PSD3: variants seen among roughly 807,000 people sequenced by gnomAD.
PSD3 encodes the protein PH and SEC7 domain-containing protein 3.
Under a neutral mutation model 105.5 loss-of-function variants are expected in PSD3, and 49 were observed. The ratio of observed to expected loss-of-function variants is 0.46; its 90% CI spans 0.37 to 0.59. The LOEUF is 0.59. Ranked by LOEUF, PSD3 falls within the 20% of genes least tolerant of loss-of-function variation. The probability of loss-of-function intolerance (pLI) is 0.00; values close to 1 mark genes in which losing one functional copy is unlikely to be tolerated. For missense variants in PSD3, 1,561 were observed against 1,263.8 expected, an observed-to-expected ratio of 1.24 and a Z score of -3.57; for synonymous variants, 557 against 457.8, an observed-to-expected ratio of 1.22 and a Z score of -2.77.
chr8:19,065,420 G>A (rs1015046355), intron 1 of PSD3, among the ~76,000 whole-genome samples: 11 of 152,068 alleles, frequency 7.2e-5, no homozygotes, highest in African/African-American at 2.4e-4. Flanking sequence ...CACAGCTTGA[G>A]GGCTCAGTCT....
chr8:18,765,689 G>A (rs1182440983), intron 8 of PSD3, 151 bp from the exon 9 acceptor site: 9 of 669,536 alleles, frequency 1.3e-5, no homozygotes, highest in Non-Finnish European at 2.4e-5. Context: ...CACTTTGGGA[G>A]GCCGAGGTGG....
intron 8 of PSD3, among the ~76,000 whole-genome samples, chr8:18,793,139 C>T (rs1809880257): frequency 6.6e-6 from 1 of 151,996 alleles, no homozygotes; most frequent in Non-Finnish European, 1.5e-5. Flanking sequence ...AACACTTGGA[C>T]ACAGGGTGGG....
chr8:18,632,014 T>G (rs1325123563), intron 11 of PSD3, among the ~76,000 whole-genome samples: 1 of 151,982 alleles, frequency 6.6e-6, no homozygotes, highest in Admixed American at 6.6e-5. Flanking sequence ...ACACCATCAT[T>G]GATCAAGATA....
chr8:18,916,092 G>A (rs1251387041), intron 2 of PSD3, among the ~76,000 whole-genome samples: 2 of 151,232 alleles, frequency 1.3e-5, no homozygotes, highest in South Asian at 2.1e-4. Flanking sequence ...GCGAAACTCC[G>A]ACTCAAAAAA....
At chr8:18,821,450 T>C (rs372353113) in intron 4 of PSD3, among the ~76,000 whole-genome samples, 34 of 152,116 alleles carry the variant, frequency 2.2e-4, no homozygotes, top group East Asian at 1.4e-3. Context: ...CTATTCCTCA[T>C]GAAAAAAAAT....
At chr8:18,616,982 A>G (rs751440084) in intron 11 of PSD3, among the ~76,000 whole-genome samples, 1 of 152,068 alleles carries the variant, frequency 6.6e-6, no homozygotes, top group Non-Finnish European at 1.5e-5. Context: ...TGTAACTTCA[A>G]TTATAAGGTA....
At chr8:18,640,134 T>C (rs771206136) in intron 10 of PSD3, among the ~76,000 whole-genome samples, 2 of 152,156 alleles carry the variant, frequency 1.3e-5, no homozygotes, top group Non-Finnish European at 2.9e-5. Context: ...TAGTATTTCA[T>C]GATTGTAGAA....
At chr8:18,995,340 C>T (rs1056973265) in intron 1 of PSD3, among the ~76,000 whole-genome samples, 5 of 152,028 alleles carry the variant, frequency 3.3e-5, no homozygotes, top group East Asian at 1.9e-4. Context: ...AACTCCCAGA[C>T]GCCAGTAGCT....
At chr8:18,621,578 C>A (rs1036686561) in intron 11 of PSD3, among the ~76,000 whole-genome samples, 1 of 152,160 alleles carries the variant, frequency 6.6e-6, no homozygotes, top group African/African-American at 2.4e-5. Flanking sequence ...TATTTCCTAT[C>A]TAAAACAGCC....
intron 11 of PSD3, 103 bp from the exon 12 acceptor site, chr8:18,600,537 T>A: frequency 2.1e-6 from 2 of 945,064 alleles, no homozygotes; most frequent in Non-Finnish European, 3.2e-6. Context: ...TCTACCTAGC[T>A]ACCGAAAGTA....
At chr8:18,722,822 A>T (rs2129427600) in intron 9 of PSD3, among the ~76,000 whole-genome samples, 2 of 152,250 alleles carry the variant, frequency 1.3e-5, no homozygotes, top group East Asian at 3.9e-4. Context: ...TATCACTCCC[A>T]AGGAGCATTA....
At chr8:18,998,270 C>T (rs759404972) in intron 1 of PSD3, among the ~76,000 whole-genome samples, 7 of 151,990 alleles carry the variant, frequency 4.6e-5, no homozygotes, top group Non-Finnish European at 8.8e-5. Context: ...ATTAAATTAA[C>T]CACATACAAA....
chr8:18,774,307 G>A (rs958828077), intron 8 of PSD3, among the ~76,000 whole-genome samples: 17 of 152,038 alleles, frequency 1.1e-4, no homozygotes, highest in African/African-American at 3.4e-4. Context: ...TGTATATATC[G>A]TATAATGATC....
At chr8:18,689,728 T>C (rs1326694313) in intron 9 of PSD3, among the ~76,000 whole-genome samples, 1 of 152,166 alleles carries the variant, frequency 6.6e-6, no homozygotes, top group Admixed American at 6.5e-5. Context: ...CTTGCCAAGA[T>C]TTTCTGTCCA....
chr8:18,739,187 T>C (rs1198723827), intron 9 of PSD3, among the ~76,000 whole-genome samples: 1 of 152,110 alleles, frequency 6.6e-6, no homozygotes, highest in East Asian at 1.9e-4. Flanking sequence ...AAAATTAATT[T>C]AAATTGAAAA....
At chr8:18,567,107 C>G (rs1801825838) in intron 14 of PSD3, among the ~76,000 whole-genome samples, 1 of 152,168 alleles carries the variant, frequency 6.6e-6, no homozygotes, top group African/African-American at 2.4e-5. Context: ...GTTACATTCA[C>G]CTTCCATGAA....
At chr8:18,832,670 A>C (rs1213595555) in intron 4 of PSD3, among the ~76,000 whole-genome samples, 1 of 152,234 alleles carries the variant, frequency 6.6e-6, no homozygotes, top group East Asian at 1.9e-4. Context: ...TGGGCAATTT[A>C]TAAAGGAAAG....
At chr8:19,031,889 A>G (rs1827784736) in intron 1 of PSD3, among the ~76,000 whole-genome samples, 1 of 152,208 alleles carries the variant, frequency 6.6e-6, no homozygotes, top group African/African-American at 2.4e-5. Flanking sequence ...AACCCTTTTA[A>G]AGACTCTTCC....
chr8:18,725,035 G>A (rs1803250537), intron 9 of PSD3, among the ~76,000 whole-genome samples: 1 of 152,178 alleles, frequency 6.6e-6, no homozygotes, highest in African/African-American at 2.4e-5. Context: ...GAATCATTGA[G>A]CAAATCTAAT....
Sources: gnomAD v4.1 joint callset for allele counts (sites outside exome capture counted in the v4.1 genomes callset) on GRCh38, gnomAD v4.1.1 for gene constraint, MANE v1.5 for transcripts, NCBI Gene and HGNC (gene_info 2026-07-23, HGNC 2026-07-21) for gene names.